Variants in AKT3 observed in about 807,000 individuals in gnomAD.
The protein encoded by AKT3 is RAC-gamma serine/threonine-protein kinase.
In AKT3, 15 loss-of-function variants were observed where a neutral mutation model predicts 65.3. The observed-to-expected ratio is 0.23, with a 90% CI of 0.15 to 0.35. The LOEUF (loss-of-function observed/expected upper bound fraction) is 0.35, where lower values mean the gene tolerates loss of function less well. AKT3 is among the 10% of genes least tolerant of loss of function. The pLI is 1.00. For synonymous variants in AKT3, 206 were observed against 183.8 expected (o/e 1.12, Z -0.98); for missense variants, 243 against 576.5 (o/e 0.42, Z 5.92).
intron 12 of AKT3, among the ~76,000 whole-genome samples, chr1:243,521,075 G>T (rs1036002474): frequency 6.6e-6 from 1 of 152,164 alleles, no homozygotes; most frequent in African/African-American, 2.4e-5. Context: ...GCTACTATCA[G>T]ATATCTATAT....
At chr1:243,814,867 A>G (rs1302727264) in intron 2 of AKT3, 1 of 152,224 alleles carries the variant, frequency 6.6e-6, no homozygotes, top group Non-Finnish European at 1.5e-5. Flanking sequence ...CTGTTCAAAC[A>G]AAGGACAATT....
At chr1:243,625,130 T>TG in intron 6 of AKT3, 1 of 140,114 alleles carries the variant, frequency 7.1e-6, no homozygotes. Flanking sequence ...TTGTGTTTTT[T>TG]TTTTTTTTTT....
At chr1:243,828,759 G>A (rs1694325755) in intron 2 of AKT3, among the ~76,000 whole-genome samples, 1 of 152,268 alleles carries the variant, frequency 6.6e-6, no homozygotes, top group Middle Eastern at 3.4e-3. Context: ...TAGTTAAGTT[G>A]TGAGGGAGTC....
At chr1:243,679,843 C>A (rs1310677913) in intron 3 of AKT3, among the ~76,000 whole-genome samples, 1 of 152,016 alleles carries the variant, frequency 6.6e-6, no homozygotes, top group Admixed American at 6.6e-5. Flanking sequence ...TTCCTAGAGG[C>A]ATAGAAATAT....
chr1:243,615,179 C>A lies in AKT3; in HGVS notation c.562-18G>T, dbSNP rs756784278. 1 of 1,587,062 alleles carries A rather than the reference C, an allele frequency of 6.3e-7. No individual in the cohort carries two copies. Among genetic ancestry groups the A allele is most frequent in the Non-Finnish European group, 8.6e-7 (1 of 1,160,382 alleles). ...ACTTCATCCTACAAAAGAAAAAAAGCAAACCTTCAATATATGTTTTGAGCA... is the reference window on the plus strand; with the variant it reads ...ACTTCATCCTACAAAAGAAAAAAAGAAAACCTTCAATATATGTTTTGAGCA... On this transcript the variant is annotated intron_variant, in intron 6 of 13. Coordinates refer to ENST00000673466, the MANE Select transcript of AKT3 (RefSeq NM_005465.7).
At position 243,562,159 on chromosome 1, in the gene AKT3, A is replaced by G. The variant is rs191185012; in HGVS notation, c.948+1561T>C. On this transcript the variant is annotated intron_variant, in intron 10 of 13. Coordinates refer to ENST00000673466, the MANE Select transcript of AKT3 (RefSeq NM_005465.7). ...TTATCCAGCCATAAAAAGGAATGAAATAAGTATAACATGCTAAAACAGGGA... is the reference window on the plus strand; with the variant it reads ...TTATCCAGCCATAAAAAGGAATGAAGTAAGTATAACATGCTAAAACAGGGA... Among the ~76,000 whole-genome samples the G allele has an allele frequency of 4.9e-4, 74 of 152,338 alleles. No individual in the cohort carries two copies. The East Asian group carries it at 0.013, about 26-fold the overall frequency.
chr1:243,777,598 G>A (rs1206333429), intron 2 of AKT3, among the ~76,000 whole-genome samples: 1 of 152,166 alleles, frequency 6.6e-6, no homozygotes, highest in Non-Finnish European at 1.5e-5. Context: ...GAATCACACT[G>A]CTTGAATGAG....
chr1:243,667,152 G>T (rs989934202), intron 3 of AKT3, among the ~76,000 whole-genome samples: 1 of 152,188 alleles, frequency 6.6e-6, no homozygotes, highest in South Asian at 2.1e-4. Context: ...ATGAACTACT[G>T]TAAGTGGGAG....
chr1:243,795,488 T>TTTTTTTTTTTTTTTTTTTTG, intron 2 of AKT3, among the ~76,000 whole-genome samples: 1 of 142,380 alleles, frequency 7.0e-6, no homozygotes. Flanking sequence ...TTTTTTTTTT[T>TTTTTTTTTTTTTTTTTTTTG]TGAGACGGAG....
At chr1:243,693,242 T>TTTTATA (rs747780262) in intron 3 of AKT3, among the ~76,000 whole-genome samples, 3 of 59,986 alleles carry the variant, frequency 5.0e-5, no homozygotes, top group African/African-American at 5.8e-5. Flanking sequence ...AGCTACAATT[T>TTTTATA]GATATATATA....
chr1:243,732,983 T>C (rs56158846), intron 2 of AKT3, among the ~76,000 whole-genome samples: 5,964 of 152,350 alleles, frequency 0.039, 166 homozygotes, highest in Middle Eastern at 0.088. Context: ...CATTTGATGC[T>C]TTCAAGTAAG....
chr1:243,770,136 G>A (rs534165939), intron 2 of AKT3, among the ~76,000 whole-genome samples: 38 of 152,028 alleles, frequency 2.5e-4, no homozygotes, highest in East Asian at 3.9e-4. Context: ...TTTAAATTCC[G>A]GATTCTCAAT....
chr1:243,523,260 A>AACACACACACACACACACACAC lies in AKT3; in HGVS notation c.1252-10856_1252-10835dup, dbSNP rs547403507. Among the ~76,000 whole-genome samples the AACACACACACACACACACACAC allele has an allele frequency of 9.5e-5, 12 of 126,512 alleles. 1 individual carries two copies. Among genetic ancestry groups the AACACACACACACACACACACAC allele is most frequent in the Admixed American group, 2.4e-4 (3 of 12,614 alleles). The allele number at this position is 126,512 out of a possible 152,430, so 83.0% of individuals were successfully genotyped here. A position where few individuals can be genotyped will look rare whatever the true frequency, so the allele number is the denominator to read the frequency against. ...TGAAGCTCTGGCTCCAAAAAGGACG[A>AACACACACACACACACACACAC]ACACACACACACACACACACACACA... On this transcript the variant is annotated intron_variant, in intron 12 of 13. Coordinates refer to ENST00000673466, the MANE Select transcript of AKT3 (RefSeq NM_005465.7).
intron 13 of AKT3, among the ~76,000 whole-genome samples, chr1:243,493,316 C>A (rs571561831): frequency 6.6e-6 from 1 of 152,030 alleles, no homozygotes; most frequent in Non-Finnish European, 1.5e-5. Flanking sequence ...CAGGGGTCTG[C>A]GGCCCAGAGC....
chr1:243,677,534 A>T (rs531935769), intron 3 of AKT3, among the ~76,000 whole-genome samples: 12 of 152,108 alleles, frequency 7.9e-5, no homozygotes, highest in African/African-American at 2.2e-4. Flanking sequence ...ATGAAAAAAT[A>T]TATTTTTCAA....
chr1:243,574,671 A>C (rs1280830305), intron 8 of AKT3, among the ~76,000 whole-genome samples: 1 of 152,150 alleles, frequency 6.6e-6, no homozygotes, highest in African/African-American at 2.4e-5. Context: ...ATATAGTTAG[A>C]TATATATTAT....
intron 8 of AKT3, among the ~76,000 whole-genome samples, chr1:243,579,417 A>G (rs1262685966): frequency 6.6e-6 from 1 of 152,204 alleles, no homozygotes; most frequent in Non-Finnish European, 1.5e-5. Flanking sequence ...ATTCAGATGG[A>G]ATACTAAGAG....
At chr1:243,770,082 G>A (rs1027293451) in intron 2 of AKT3, among the ~76,000 whole-genome samples, 2 of 152,094 alleles carry the variant, frequency 1.3e-5, no homozygotes. Flanking sequence ...ACACTGAATC[G>A]CCTTGCCATC....
chr1:243,776,701 A>G (rs1260971409), intron 2 of AKT3, among the ~76,000 whole-genome samples: 2 of 152,208 alleles, frequency 1.3e-5, no homozygotes, highest in South Asian at 2.1e-4. Context: ...CAGACTAAAT[A>G]ACCTCCCTAC....
Sources: gnomAD v4.1 joint callset for allele counts (sites outside exome capture counted in the v4.1 genomes callset) on GRCh38, gnomAD v4.1.1 for gene constraint, MANE v1.5 for transcripts, NCBI Gene and HGNC (gene_info 2026-07-23, HGNC 2026-07-21) for gene names.